The following SETBP1 variants were observed in gnomAD, a reference collection of about 807,000 sequenced individuals.
SETBP1 encodes the protein SET binding protein 1.
Under a neutral mutation model 101.0 loss-of-function variants are expected in SETBP1, and 9 were observed. The ratio of observed to expected loss-of-function variants is 0.09; its 90% CI spans 0.05 to 0.16. The LOEUF (loss-of-function observed/expected upper bound fraction) is 0.16. Among genes scored for constraint, SETBP1 ranks in the 10% least tolerant of loss-of-function variants. The probability of loss-of-function intolerance (pLI) is 1.00; values close to 1 mark genes in which losing one functional copy is unlikely to be tolerated. For synonymous variants in SETBP1, 818 were observed against 788.5 expected (o/e 1.04, Z -0.63); for missense variants, 1,858 against 2,033.8 (o/e 0.91, Z 1.66).
intron 2 of SETBP1, among the ~76,000 whole-genome samples, chr18:44,747,033 C>T (rs1323223478): frequency 6.6e-6 from 1 of 152,200 alleles, no homozygotes; most frequent in Non-Finnish European, 1.5e-5. Context: ...AACAGTTAGT[C>T]ACATGCCAGC....
chr18:44,953,275 A>G lies in SETBP1; in HGVS notation c.3935A>G (p.Lys1312Arg). The change falls in exon 4 of 6, where the codon AAG becomes AGG. Residue 1312 changes from lysine to arginine, a missense_variant. Lys to Arg is a conservative substitution (Grantham distance 26). Around this residue, in one of 12 missense-constraint regions of SETBP1, gnomAD observed 417 missense variants for 389.1 expected, o/e 1.07. Transcript: ENST00000649279. Reference sequence around the variant, plus strand: ...GAAGGCTTTGGAACGTACAGGGAAAAGGACATCCAAGCCTTCAAGATGAAC... The same window carrying G: ...GAAGGCTTTGGAACGTACAGGGAAAGGGACATCCAAGCCTTCAAGATGAAC... Reference protein sequence around the residue: ...SYEGFGTYREKDIQAFKMNRK... With the variant: ...SYEGFGTYRERDIQAFKMNRK... The G allele has an allele frequency of 6.2e-7, 1 of 1,614,090 alleles. No individual in the cohort carries two copies. The highest frequency in any genetic ancestry group is 8.5e-7 in the Non-Finnish European group (1 of 1,180,030).
At position 44,962,001 on chromosome 18, in the gene SETBP1, T is replaced by C. The variant is rs1379162889; in HGVS notation, c.4000+8661T>C. On this transcript the variant is annotated intron_variant, in intron 4 of 5. Transcript: ENST00000649279. ...CATGCTGGTACATAAAAACTTGCAC[T>C]CTTAAAAATGATTGAGAGGTCTTTG... 4.6e-5 allele frequency among the ~76,000 whole-genome samples: 7 copies of C among 152,174 alleles called. No homozygotes were observed. The East Asian group carries it at 1.3e-3, about 29-fold the overall frequency.
intron 3 of SETBP1, among the ~76,000 whole-genome samples, chr18:44,926,530 C>G (rs2070708743): frequency 6.6e-6 from 1 of 152,158 alleles, no homozygotes; most frequent in Non-Finnish European, 1.5e-5. Context: ...CGTGCCCCAT[C>G]TCTTCTTGGA....
intron 4 of SETBP1, chr18:44,987,349 C>CA (rs977916017): frequency 3.7e-4 from 56 of 152,324 alleles, no homozygotes; most frequent in African/African-American, 1.3e-3. Context: ...GCATAAAACA[C>CA]AGAGACTCAT....
intron 2 of SETBP1, among the ~76,000 whole-genome samples, chr18:44,754,133 G>T (rs183214698): frequency 4.3e-4 from 65 of 152,268 alleles, no homozygotes; most frequent in African/African-American, 1.6e-3. Flanking sequence ...AAATGACTTG[G>T]ATGCAGTGCC....
chr18:44,863,176 G>A (rs2069052204), intron 2 of SETBP1, among the ~76,000 whole-genome samples: 1 of 152,148 alleles, frequency 6.6e-6, no homozygotes, highest in Non-Finnish European at 1.5e-5. Flanking sequence ...AGAGCCTTTT[G>A]CTTGGTAGAA....
At chr18:45,033,907 A>T (rs930526081) in intron 4 of SETBP1, among the ~76,000 whole-genome samples, 4 of 152,214 alleles carry the variant, frequency 2.6e-5, no homozygotes, top group Admixed American at 6.5e-5. Context: ...TGACTTTCTT[A>T]TCTAGGAAAG....
At chr18:44,989,847 C>A (rs1392353232) in intron 4 of SETBP1, among the ~76,000 whole-genome samples, 6 of 106,850 alleles carry the variant, frequency 5.6e-5, no homozygotes, top group Non-Finnish European at 8.8e-5. Context: ...CCAGCCTGGG[C>A]GACAGAGCGA....
chr18:44,802,685 G>A (rs896505681), intron 2 of SETBP1, among the ~76,000 whole-genome samples: 3 of 152,108 alleles, frequency 2.0e-5, no homozygotes, highest in Non-Finnish European at 4.4e-5. Flanking sequence ...GAATGCCTAT[G>A]TGTGGTTTGT....
Position 44,953,337 on chromosome 18 carries a change from C to A in SETBP1, c.3997C>A (p.Pro1333Thr), listed in dbSNP as rs1176680137. The A allele has an allele frequency of 3.1e-6, 5 of 1,613,062 alleles. No homozygotes were observed. Among genetic ancestry groups the A allele is most frequent in the Non-Finnish European group, 4.2e-6 (5 of 1,179,482 alleles). The change falls in exon 4 of 6, where the codon CCA becomes ACA. Residue 1333 changes from proline to threonine, a missense_variant. Pro to Thr is a conservative substitution (Grantham distance 38). Transcript: ENST00000649279. ...ERSSYDSSMS[P>T]GMPSPHLKVD... ...AAGTTCTTATGACTCCTCCATGTCT[C>A]CAGGTAAGGCTGTTTTTCTTCAGAA...
intron 3 of SETBP1, among the ~76,000 whole-genome samples, chr18:44,949,583 C>T (rs892669073): frequency 6.6e-6 from 1 of 152,204 alleles, no homozygotes; most frequent in African/African-American, 2.4e-5. Context: ...TCCCCTCCCT[C>T]CTGTCTCTAA....
At chr18:45,054,806 C>T (rs934247752) in intron 5 of SETBP1, among the ~76,000 whole-genome samples, 1 of 152,136 alleles carries the variant, frequency 6.6e-6, no homozygotes, top group African/African-American at 2.4e-5. Flanking sequence ...GTTTGTCTAA[C>T]CCGTGGGCCC....
chr18:45,007,597 T>A (rs1426253189), intron 4 of SETBP1, among the ~76,000 whole-genome samples: 2 of 152,130 alleles, frequency 1.3e-5, no homozygotes, highest in East Asian at 3.9e-4. Context: ...TCCCATCTGG[T>A]CTTTCCCATC....
At chr18:44,974,351 C>G (rs192931997) in intron 4 of SETBP1, among the ~76,000 whole-genome samples, 1 of 152,046 alleles carries the variant, frequency 6.6e-6, no homozygotes, top group Non-Finnish European at 1.5e-5. Context: ...CGAGAGATTC[C>G]GAAGCTCAAA....
chr18:44,889,993 G>A (rs541314844), intron 3 of SETBP1, among the ~76,000 whole-genome samples: 144 of 152,106 alleles, frequency 9.5e-4, no homozygotes, highest in African/African-American at 3.4e-3. Context: ...TATGATGTAC[G>A]ACATGATGTT....
At chr18:44,805,127 A>G (rs2071699671) in intron 2 of SETBP1, among the ~76,000 whole-genome samples, 1 of 152,130 alleles carries the variant, frequency 6.6e-6, no homozygotes. Flanking sequence ...CCATACAACT[A>G]AAGTCTAAGG....
intron 4 of SETBP1, among the ~76,000 whole-genome samples, chr18:44,954,940 A>C (rs1191735466): frequency 6.6e-6 from 1 of 152,216 alleles, no homozygotes; most frequent in Admixed American, 6.5e-5. Context: ...AGCTGTGGAC[A>C]GAAGATGTTC....
chr18:44,788,155 G>A (rs940827964), intron 2 of SETBP1, among the ~76,000 whole-genome samples: 3 of 151,858 alleles, frequency 2.0e-5, no homozygotes, highest in Admixed American at 2.0e-4. Flanking sequence ...CTTAGTTTCC[G>A]CTGGCTCCTG....
chr18:44,979,010 C>G (rs1186454400), intron 4 of SETBP1, among the ~76,000 whole-genome samples: 1 of 152,196 alleles, frequency 6.6e-6, no homozygotes, highest in African/African-American at 2.4e-5. Context: ...TCAAATCTGG[C>G]TGACTTCAGA....
Sources: gnomAD v4.1 joint callset for allele counts (sites outside exome capture counted in the v4.1 genomes callset) on GRCh38, gnomAD v4.1.1 for gene constraint, gnomAD v4.1.1 regional missense constraint, MANE v1.5 for transcripts, NCBI Gene and HGNC (gene_info 2026-07-23, HGNC 2026-07-21) for gene names.